Variants in ACCSL observed in about 807,000 individuals in gnomAD.
ACCSL encodes the protein 1-aminocyclopropane-1-carboxylate synthase homolog (inactive) like.
ACCSL carries 55 observed loss-of-function variants against 61.7 expected under a neutral mutation model. That is an observed-to-expected ratio of 0.89 (90% CI 0.72 to 1.12). The LOEUF (loss-of-function observed/expected upper bound fraction) is 1.12. Among genes scored for constraint, ACCSL ranks in the 50% most tolerant of loss-of-function variants. The pLI is 0.00. For synonymous variants in ACCSL, 258 were observed against 264.3 expected (o/e 0.98, Z 0.23); for missense variants, 632 against 698.0 (o/e 0.91, Z 1.07).
chr11:44,036,220 T>A, the ACCSL span, among the ~76,000 whole-genome samples: 1 of 152,152 alleles, frequency 6.6e-6, no homozygotes, highest in African/African-American at 2.4e-5. Context: ...CCATTCCAGG[T>A]CACCTCATAC....
At chr11:44,030,387 C>G in the ACCSL span, among the ~76,000 whole-genome samples, 12,295 of 151,468 alleles carry the variant, frequency 0.081, 511 homozygotes, top group African/African-American at 0.11. Flanking sequence ...GAAGCCTAGG[C>G]CCCCTCCCCT....
the ACCSL span, among the ~76,000 whole-genome samples, chr11:44,000,301 T>C: frequency 6.6e-6 from 1 of 152,146 alleles, no homozygotes; most frequent in African/African-American, 2.4e-5. Context: ...ATTTTTGTAT[T>C]TTTAGTAGAG....
At chr11:43,992,000 C>G in the ACCSL span, among the ~76,000 whole-genome samples, 1 of 151,904 alleles carries the variant, frequency 6.6e-6, no homozygotes, top group African/African-American at 2.4e-5. Flanking sequence ...CCCTCCCTCC[C>G]CATCTTTTTT....
At chr11:43,968,820 A>G in the ACCSL span, among the ~76,000 whole-genome samples, 1 of 152,192 alleles carries the variant, frequency 6.6e-6, no homozygotes, top group Non-Finnish European at 1.5e-5. Context: ...AGCTTTGTGC[A>G]GGAAGTAGGA....
the ACCSL span, among the ~76,000 whole-genome samples, chr11:43,964,005 C>T: frequency 6.6e-6 from 1 of 151,950 alleles, no homozygotes; most frequent in African/African-American, 2.4e-5. Context: ...CTTGAGTTTG[C>T]ATTAGGTGTG....
the ACCSL span, among the ~76,000 whole-genome samples, chr11:43,922,473 C>T: frequency 3.3e-5 from 5 of 152,210 alleles, no homozygotes; most frequent in Non-Finnish European, 7.3e-5. Flanking sequence ...CCCTGACTTT[C>T]CTGTTCATCA....
rs936116610 is a variant in ACCSL at position 44,052,759 on chromosome 11, G to T, written c.870G>T (p.Glu290Asp). The change falls in exon 6 of 14, where the codon GAG becomes GAT. Residue 290 changes from glutamate to aspartate, a missense_variant and splice_region_variant. Transcript: ENST00000378832. ...TGATTCCTGTCCACCTGGAGAGTGA[G>T]GTCTGAATGGGGCCCCTTCCCTGCT... ...VELIPVHLESEVTVTNTHPFQ... is the reference protein window; with the variant it reads ...VELIPVHLESDVTVTNTHPFQ... 37 of 1,613,722 alleles carry T rather than the reference G, an allele frequency of 2.3e-5. No individual in the cohort carries two copies. The highest frequency in any genetic ancestry group is 2.3e-5 in the Non-Finnish European group (27 of 1,179,818).
At chr11:43,991,991 C>T in the ACCSL span, among the ~76,000 whole-genome samples, 1 of 151,822 alleles carries the variant, frequency 6.6e-6, no homozygotes, top group African/African-American at 2.4e-5. Flanking sequence ...TTAACAATCC[C>T]CTCCCTCCCC....
chr11:44,051,726 C>T lies in ACCSL; in HGVS notation c.772+7C>T. ...GTTCTGTGTGATCCAGGCGGTAAGT[C>T]AGTGGGCTCTCCTTTCACTCTCAGT... is the stretch of plus-strand genomic sequence containing the variant. On this transcript the variant is annotated splice_region_variant and intron_variant, in intron 5 of 13. Transcript: ENST00000378832. 6.2e-7 allele frequency: 1 copy of T among 1,614,080 alleles called. No homozygotes were observed. The highest frequency in any genetic ancestry group is 8.5e-7 in the Non-Finnish European group (1 of 1,180,032).
the ACCSL span, among the ~76,000 whole-genome samples, chr11:43,966,074 A>G: frequency 6.9e-6 from 1 of 145,594 alleles, no homozygotes; most frequent in Non-Finnish European, 1.5e-5. Context: ...ATATAACAAC[A>G]AATGCTCAAG....
chr11:43,942,496 T>C, the ACCSL span: 1 of 224,560 alleles, frequency 4.5e-6, no homozygotes, highest in South Asian at 4.1e-5. Context: ...AAGGGGCCGT[T>C]ACTTTCCCAG....
chr11:43,980,328 A>C, the ACCSL span, among the ~76,000 whole-genome samples: 1 of 152,204 alleles, frequency 6.6e-6, no homozygotes, highest in African/African-American at 2.4e-5. Flanking sequence ...GTAATCTGTG[A>C]ATTTGAATGA....
the ACCSL span, among the ~76,000 whole-genome samples, chr11:43,967,167 C>CTTTTTTTTTTTTTTTTTTTTTTTTTTTT: frequency 1.6e-5 from 1 of 62,694 alleles, no homozygotes; most frequent in Admixed American, 2.7e-4. Context: ...TCTTCTTCTT[C>CTTTTTTTTTTTTTTTTTTTTTTTTTTTT]TTTTTTTTTT....
chr11:43,944,265 C>G, the ACCSL span: 1 of 165,852 alleles, frequency 6.0e-6, no homozygotes, highest in Admixed American at 5.5e-5. Context: ...TCTCCCTCTG[C>G]GCTGATTCCT....
intron 7 of ACCSL, 39 bp downstream of exon 7, chr11:44,053,107 G>C (rs376871071): frequency 6.0e-5 from 93 of 1,548,486 alleles, no homozygotes; most frequent in Non-Finnish European, 7.9e-5. Flanking sequence ...GCCACTGCTG[G>C]TCCTAAAAGG....
the ACCSL span, among the ~76,000 whole-genome samples, chr11:43,986,896 G>T: frequency 6.6e-6 from 1 of 152,180 alleles, no homozygotes; most frequent in East Asian, 1.9e-4. Flanking sequence ...TGAGATGATG[G>T]TGAGTGCTCC....
the ACCSL span, among the ~76,000 whole-genome samples, chr11:44,033,011 C>T: frequency 6.6e-6 from 1 of 152,188 alleles, no homozygotes. Flanking sequence ...TTGTATCAGC[C>T]TCAGTCTCAG....
the ACCSL span, among the ~76,000 whole-genome samples, chr11:43,925,671 A>C: frequency 2.0e-5 from 3 of 151,840 alleles, no homozygotes; most frequent in Admixed American, 6.5e-5. Context: ...TAGCCTCCAC[A>C]TCTGCCGGAA....
the ACCSL span, among the ~76,000 whole-genome samples, chr11:43,960,873 C>G: frequency 6.6e-6 from 1 of 152,182 alleles, no homozygotes; most frequent in Non-Finnish European, 1.5e-5. Flanking sequence ...GGCTGGAGTG[C>G]AGAGGCACGA....
Sources: gnomAD v4.1 joint callset for allele counts (sites outside exome capture counted in the v4.1 genomes callset) on GRCh38, gnomAD v4.1.1 for gene constraint, MANE v1.5 for transcripts, NCBI Gene and HGNC (gene_info 2026-07-23, HGNC 2026-07-21) for gene names.